The following CSF1R variants were observed in gnomAD, a reference collection of about 807,000 sequenced individuals.
CSF1R encodes macrophage colony-stimulating factor 1 receptor.
A neutral mutation model predicts 110.0 loss-of-function variants in CSF1R; 40 were observed. The ratio of observed to expected loss-of-function variants is 0.36; its 90% confidence interval spans 0.28 to 0.47. The LOEUF (loss-of-function observed/expected upper bound fraction) is 0.47, where lower values mean the gene tolerates loss of function less well. Among genes scored for constraint, CSF1R ranks in the 20% least tolerant of loss-of-function variants. The pLI is 0.99. For missense variants in CSF1R, 1,052 were observed against 1,253.0 expected (o/e 0.84, Z 2.42); for synonymous variants, 523 against 503.4 (o/e 1.04, Z -0.52).
At chr5:150,061,351 C>T (rs552677682) in intron 12 of CSF1R, 140 bp downstream of exon 12, 1 of 737,842 alleles carries the variant, frequency 1.4e-6, no homozygotes, top group African/African-American at 1.8e-5. Flanking sequence ...CACAAGAAAA[C>T]CCAAGTCCTC....
At chr5:150,107,911 TC>T (rs1443393713) in intron 1 of CSF1R, among the ~76,000 whole-genome samples, 2 of 152,160 alleles carry the variant, frequency 1.3e-5, no homozygotes, top group African/African-American at 2.4e-5. Context: ...GGTGAACAGG[TC>T]AGCTGTGGTC....
At chr5:150,091,011 A>G (rs186139784), upstream of CSF1R, among the ~76,000 whole-genome samples, 1 of 152,340 alleles carries the variant, frequency 6.6e-6, no homozygotes, top group Non-Finnish European at 1.5e-5. Flanking sequence ...CATTGAATAG[A>G]TATTTCTCCA....
At chr5:150,058,597 C>T (rs989319572) in intron 14 of CSF1R, among the ~76,000 whole-genome samples, 5 of 152,186 alleles carry the variant, frequency 3.3e-5, no homozygotes, top group African/African-American at 1.2e-4. Context: ...TAATACTTTC[C>T]TTTGGTGCTC....
chr5:150,080,462 C>G, intron 2 of CSF1R, 126 bp from the exon 3 acceptor site: 1 of 1,289,344 alleles, frequency 7.8e-7, no homozygotes, highest in South Asian at 1.5e-5. Flanking sequence ...CACGCCAGGA[C>G]AGTTCAGCGG....
chr5:150,073,253 A>T (rs1345473830), intron 6 of CSF1R, 48 bp downstream of exon 6: 6 of 1,562,382 alleles, frequency 3.8e-6, no homozygotes, highest in Admixed American at 1.7e-5. Context: ...GCTGAAGCAT[A>T]CCCCATCTGG....
At chr5:150,064,861 CCTGCTG>C (rs1023533680) in intron 10 of CSF1R, among the ~76,000 whole-genome samples, 1 of 152,180 alleles carries the variant, frequency 6.6e-6, no homozygotes, top group African/African-American at 2.4e-5. Flanking sequence ...CTCCCCTGCC[CCTGCTG>C]GGCATGTAAA....
chr5:150,105,384 ATTTTTTT>A (rs35556562), intron 1 of CSF1R, among the ~76,000 whole-genome samples: 6 of 84,258 alleles, frequency 7.1e-5, no homozygotes, highest in South Asian at 4.4e-4. Context: ...ATATATATAT[ATTTTTTT>A]TTTTTTAATA....
intron 5 of CSF1R, among the ~76,000 whole-genome samples, chr5:150,074,138 C>T (rs1490287431): frequency 2.0e-5 from 3 of 152,140 alleles, no homozygotes; most frequent in Non-Finnish European, 2.9e-5. Flanking sequence ...CCTGGCAGGG[C>T]TGAGAGTTGG....
chr5:150,061,361 C>T (rs1009129214), intron 12 of CSF1R, 130 bp downstream of exon 12: 23 of 790,804 alleles, frequency 2.9e-5, no homozygotes, highest in Non-Finnish European at 4.1e-5. Flanking sequence ...CCCAAGTCCT[C>T]ACCCCTGAGC....
intron 1 of CSF1R, among the ~76,000 whole-genome samples, chr5:150,111,442 C>G (rs1200381892): frequency 3.9e-5 from 6 of 152,238 alleles, no homozygotes; most frequent in Non-Finnish European, 7.3e-5. Flanking sequence ...GCCCTCTGCA[C>G]AGGGGCCTGA....
chr5:150,065,371 T>C (rs1210171636), intron 10 of CSF1R, among the ~76,000 whole-genome samples: 1 of 152,214 alleles, frequency 6.6e-6, no homozygotes. Context: ...CTCCCTTCCC[T>C]GCTGCCTCAG....
At chr5:150,079,693 C>T (rs1758435382) in intron 3 of CSF1R, among the ~76,000 whole-genome samples, 1 of 152,252 alleles carries the variant, frequency 6.6e-6, no homozygotes, top group Non-Finnish European at 1.5e-5. Flanking sequence ...TGCACAGCCA[C>T]CTTCTTCATG....
In CSF1R at chr5:150,077,443, C is replaced by G. The variant is rs770898202; in HGVS notation, c.730-8G>C. 6.2e-7 allele frequency: 1 copy of G among 1,609,424 alleles called. No individual in the cohort carries two copies. The highest frequency in any genetic ancestry group is 8.5e-7 in the Non-Finnish European group (1 of 1,176,268). On this transcript the variant is annotated splice_polypyrimidine_tract_variant and splice_region_variant and intron_variant, in intron 4 of 20. Coordinates refer to ENST00000675795, the MANE Select transcript of CSF1R (RefSeq NM_001288705.3). ...TTGTTGAGGGATTGCGAGCTGCAGCCAGAAGGAATGGAGATGTTATACCAA... is the reference window on the plus strand; with the variant it reads ...TTGTTGAGGGATTGCGAGCTGCAGCGAGAAGGAATGGAGATGTTATACCAA...
intron 1 of CSF1R, among the ~76,000 whole-genome samples, chr5:150,096,044 A>G (rs372454970): frequency 2.6e-5 from 4 of 152,144 alleles, no homozygotes; most frequent in Non-Finnish European, 4.4e-5. Context: ...AAACAAAAAA[A>G]CTCTTCAGGT....
Position 150,081,028 on chromosome 5 carries a change from G to A in CSF1R, c.50-4C>T. On this transcript the variant is annotated splice_region_variant and splice_polypyrimidine_tract_variant and intron_variant, in intron 1 of 20. Coordinates refer to ENST00000675795, the MANE Select transcript of CSF1R (RefSeq NM_001288705.3). ...TCTATCACTGGGATTCCCTGACCTG[G>A]TGGGAGAGAGGGACAGCAGACAGAA... 2 of 1,613,732 alleles carry A rather than the reference G, an allele frequency of 1.2e-6. No individual in the cohort carries two copies. Among genetic ancestry groups the A allele is most frequent in the Non-Finnish European group, 1.7e-6 (2 of 1,179,706 alleles).
Position 150,077,435 on chromosome 5 carries a change from G to A in CSF1R, c.730C>T (p.Leu244Phe), listed in dbSNP as rs777593728. ...DVFLQHNNTK[L>F]AIPQQSDFHN... Reference sequence around the variant, plus strand: ...AAGTCAGATTGTTGAGGGATTGCGAGCTGCAGCCAGAAGGAATGGAGATGT... The same window carrying A: ...AAGTCAGATTGTTGAGGGATTGCGAACTGCAGCCAGAAGGAATGGAGATGT... Residue 244 changes from leucine (L) to phenylalanine (F), a missense_variant and splice_region_variant, in exon 5 of 21, where the codon CTC becomes TTC. Physicochemically the swap from Leu to Phe is conservative, Grantham distance 22. Transcript: ENST00000675795. 6.2e-7 allele frequency: 1 copy of A among 1,610,420 alleles called. No homozygotes were observed. Among genetic ancestry groups the A allele is most frequent in the Non-Finnish European group, 8.5e-7 (1 of 1,176,864 alleles).
chr5:150,069,790 G>C (rs1311715200), intron 9 of CSF1R, 83 bp downstream of exon 9: 6 of 1,257,838 alleles, frequency 4.8e-6, no homozygotes, highest in Non-Finnish European at 5.3e-6. Context: ...CTCCCTCGGT[G>C]GGGGGTGGGG....
At chr5:150,058,394 T>A in intron 14 of CSF1R, 1 of 447,892 alleles carries the variant, frequency 2.2e-6, no homozygotes, top group South Asian at 1.6e-5. Context: ...GCGCTAGAGA[T>A]GTGTACCTTG....
chr5:150,090,919 C>T (rs1295454984), upstream of CSF1R, among the ~76,000 whole-genome samples: 2 of 152,176 alleles, frequency 1.3e-5, no homozygotes, highest in Non-Finnish European at 1.5e-5. Flanking sequence ...AAGCCAAATT[C>T]ACCATTATGC....
Sources: allele counts gnomAD v4.1 joint callset (sites outside exome capture counted in the v4.1 genomes callset), GRCh38; gene constraint gnomAD v4.1.1; transcripts MANE v1.5; gene names NCBI Gene and HGNC (gene_info 2026-07-23, HGNC 2026-07-21).